RORA: variants seen among roughly 807,000 people sequenced by gnomAD.
The protein encoded by RORA is RAR related orphan receptor A.
Under a neutral mutation model 69.5 loss-of-function variants are expected in RORA, and 7 were observed. The observed-to-expected ratio is 0.10, with a 90% CI of 0.06 to 0.19. The LOEUF (loss-of-function observed/expected upper bound fraction) is 0.19, where lower values mean the gene tolerates loss of function less well. Ranked by LOEUF, RORA falls within the 10% of genes least tolerant of loss-of-function variation. RORA has a pLI of 1.00. For missense variants in RORA, 457 were observed against 663.0 expected, an observed-to-expected ratio of 0.69 and a Z score of 3.41; for synonymous variants, 261 against 240.8, an observed-to-expected ratio of 1.08 and a Z score of -0.78.
chr15:61,123,299 G>A (rs1028642426), intron 1 of RORA, among the ~76,000 whole-genome samples: 6 of 152,102 alleles, frequency 3.9e-5, no homozygotes, highest in African/African-American at 1.4e-4. Flanking sequence ...CGAGGGGGGA[G>A]CAGGGAAGGG....
chr15:60,926,725 A>G (rs114495297), intron 1 of RORA, among the ~76,000 whole-genome samples: 300 of 152,370 alleles, frequency 2.0e-3, no homozygotes, highest in African/African-American at 7.0e-3. Flanking sequence ...TATCAGCTGA[A>G]TACATTATGA....
intron 1 of RORA, among the ~76,000 whole-genome samples, chr15:60,845,601 A>C (rs2073255520): frequency 6.6e-6 from 1 of 152,226 alleles, no homozygotes; most frequent in Non-Finnish European, 1.5e-5. Context: ...GATTTCAGGT[A>C]AGTCACACAA....
chr15:60,736,764 T>A (rs759775445), intron 1 of RORA: 1 of 152,214 alleles, frequency 6.6e-6, no homozygotes, highest in Non-Finnish European at 1.5e-5. Flanking sequence ...TAAACAGTTA[T>A]AGGCATCTAC....
chr15:60,954,311 A>C, intron 1 of RORA, among the ~76,000 whole-genome samples: 1 of 103,650 alleles, frequency 9.6e-6, no homozygotes, highest in Non-Finnish European at 1.9e-5. Flanking sequence ...GGGTGGGGGG[A>C]GGGATAGCAT....
chr15:60,657,675 T>A (rs2070242473), intron 2 of RORA, among the ~76,000 whole-genome samples: 1 of 152,234 alleles, frequency 6.6e-6, no homozygotes, highest in Non-Finnish European at 1.5e-5. Flanking sequence ...GCAGAATTAT[T>A]CTCTTGGGTT....
At chr15:60,864,004 A>G (rs919850685) in intron 1 of RORA, among the ~76,000 whole-genome samples, 2 of 151,982 alleles carry the variant, frequency 1.3e-5, no homozygotes, top group African/African-American at 4.8e-5. Flanking sequence ...AGGGAATTTC[A>G]CCATATTGGC....
chr15:61,191,747 C>A (rs187223750), intron 1 of RORA, among the ~76,000 whole-genome samples: 1 of 152,324 alleles, frequency 6.6e-6, no homozygotes, highest in East Asian at 1.9e-4. Flanking sequence ...ATCAAGGAAG[C>A]TTCAGCAAGA....
chr15:60,678,497 T>C lies in RORA; in HGVS notation c.196+160A>G, dbSNP rs2070587856. On this transcript the variant is annotated intron_variant, in intron 2 of 10. Transcript: ENST00000335670. Reference sequence around the variant, plus strand: ...CACACTCAGTACAAACAGGTGGAGATGTGCCACTTCCGACCACTACAGATT... The same window carrying C: ...CACACTCAGTACAAACAGGTGGAGACGTGCCACTTCCGACCACTACAGATT... 9.4e-6 allele frequency: 6 copies of C among 639,084 alleles called. No individual in the cohort carries two copies. In the East Asian group the frequency reaches 1.6e-4, roughly 17 times the overall value. The allele number at this position is 639,084 out of a possible 1,614,324, so 39.6% of individuals were successfully genotyped here. A position where few individuals can be genotyped will look rare whatever the true frequency, so the allele number is the denominator to read the frequency against.
At chr15:60,847,042 G>A (rs2073274046) in intron 1 of RORA, among the ~76,000 whole-genome samples, 1 of 152,144 alleles carries the variant, frequency 6.6e-6, no homozygotes, top group Admixed American at 6.5e-5. Context: ...AAGAGAGCAT[G>A]GGTATAGCTT....
At chr15:60,936,274 T>G (rs1256496270) in intron 1 of RORA, among the ~76,000 whole-genome samples, 1 of 152,240 alleles carries the variant, frequency 6.6e-6, no homozygotes, top group Non-Finnish European at 1.5e-5. Context: ...CTTCTGTCTA[T>G]CTACTCACAG....
rs1344841750 is a variant in RORA, at chr15:60,723,471, G to T, written c.167-44785C>A. On this transcript the variant is annotated intron_variant, in intron 1 of 10. Coordinates refer to ENST00000335670, the MANE Select transcript of RORA (RefSeq NM_134261.3). ...AATTATTCCCCTCAGGGCACATAAG[G>T]CGCAGGGAAAAAGCAAAGGAGAAAC... is the stretch of plus-strand genomic sequence containing the variant. 7.9e-5 allele frequency among the ~76,000 whole-genome samples: 12 copies of T among 151,290 alleles called. No individual in the cohort carries two copies. In the South Asian group the frequency reaches 2.1e-3, roughly 26 times the overall value.
intron 1 of RORA, among the ~76,000 whole-genome samples, chr15:61,197,154 A>C (rs1267571641): frequency 6.6e-6 from 1 of 152,218 alleles, no homozygotes; most frequent in Non-Finnish European, 1.5e-5. Context: ...TGGTTTGAAA[A>C]CAATGACTAC....
intron 2 of RORA, among the ~76,000 whole-genome samples, chr15:60,664,846 T>C (rs2070357639): frequency 1.3e-5 from 2 of 152,214 alleles, no homozygotes; most frequent in Non-Finnish European, 2.9e-5. Flanking sequence ...AAGCAATTGA[T>C]ACTGCAGGGG....
chr15:60,903,886 C>T (rs1029742710), intron 1 of RORA, among the ~76,000 whole-genome samples: 3 of 152,162 alleles, frequency 2.0e-5, no homozygotes, highest in Non-Finnish European at 4.4e-5. Context: ...TTTGTTGCTT[C>T]ATTGATTTGA....
intron 2 of RORA, among the ~76,000 whole-genome samples, chr15:60,585,432 G>A (rs28380591): frequency 0.011 from 1,712 of 152,104 alleles, 40 homozygotes; most frequent in African/African-American, 0.038. Flanking sequence ...AAACCAAGGG[G>A]TTAATAGTTT....
At chr15:60,580,475 T>C (rs1278080031) in intron 2 of RORA, among the ~76,000 whole-genome samples, 1 of 152,236 alleles carries the variant, frequency 6.6e-6, no homozygotes, top group Non-Finnish European at 1.5e-5. Flanking sequence ...TTGTGAATAA[T>C]TCCCTGTACT....
At chr15:61,077,104 G>A (rs377505022) in intron 1 of RORA, among the ~76,000 whole-genome samples, 15 of 152,190 alleles carry the variant, frequency 9.9e-5, no homozygotes, top group African/African-American at 3.6e-4. Context: ...ACAGGACGCT[G>A]TTAAGTAGAA....
At chr15:60,700,220 A>G (rs976286000) in intron 1 of RORA, among the ~76,000 whole-genome samples, 2 of 152,228 alleles carry the variant, frequency 1.3e-5, no homozygotes, top group African/African-American at 4.8e-5. Flanking sequence ...AAGTGTCTAA[A>G]ATATAACAAC....
chr15:60,692,146 A>T (rs1198951959), intron 1 of RORA, among the ~76,000 whole-genome samples: 1 of 152,248 alleles, frequency 6.6e-6, no homozygotes, highest in Non-Finnish European at 1.5e-5. Context: ...AAAAGTCAGC[A>T]TGCCATTCCC....
Sources: gnomAD v4.1 joint callset for allele counts (sites outside exome capture counted in the v4.1 genomes callset) on GRCh38, gnomAD v4.1.1 for gene constraint, MANE v1.5 for transcripts, NCBI Gene and HGNC (gene_info 2026-07-23, HGNC 2026-07-21) for gene names.